The following TM4SF20 variants were observed in gnomAD, a reference collection of about 807,000 sequenced individuals.
TM4SF20 encodes the protein transmembrane 4 L six family member 20.
In TM4SF20, 13 loss-of-function variants were observed where a neutral mutation model predicts 15.1. The ratio of observed to expected loss-of-function variants is 0.86; its 90% CI spans 0.56 to 1.36. The LOEUF (loss-of-function observed/expected upper bound fraction) is 1.36, where lower values mean the gene tolerates loss of function less well. Among genes scored for constraint, TM4SF20 ranks in the 40% most tolerant of loss-of-function variants. The pLI, the probability that TM4SF20 is intolerant of heterozygous loss-of-function variation, is 0.00. For synonymous variants in TM4SF20, 92 were observed against 96.6 expected, an observed-to-expected ratio of 0.95 and a Z score of 0.28; for missense variants, 282 against 268.4, an observed-to-expected ratio of 1.05 and a Z score of -0.35.
At chr2:227,371,580 A>G (rs1382092163) in intron 1 of TM4SF20, among the ~76,000 whole-genome samples, 1 of 152,168 alleles carries the variant, frequency 6.6e-6, no homozygotes, top group African/African-American at 2.4e-5. Flanking sequence ...TGGCCTCAAG[A>G]AAACCTCCTG....
chr2:227,364,994 T>C (rs911609743), intron 3 of TM4SF20, among the ~76,000 whole-genome samples: 2 of 152,208 alleles, frequency 1.3e-5, no homozygotes, highest in African/African-American at 4.8e-5. Flanking sequence ...CACTGCAACC[T>C]CCGCCTCCTG....
At chr2:227,368,335 T>TTATATATATATATATATATATATA (rs61382561) in intron 2 of TM4SF20, among the ~76,000 whole-genome samples, 2 of 122,722 alleles carry the variant, frequency 1.6e-5, no homozygotes, top group African/African-American at 3.1e-5. Flanking sequence ...CATCTATTAT[T>TTATATATATATATATATATATATA]TATATATATA....
Position 227,378,331 on chromosome 2 carries a change from C to T in TM4SF20, c.183+755G>A, listed in dbSNP as rs75620098. 6.3e-3 allele frequency among the ~76,000 whole-genome samples: 959 copies of T among 152,272 alleles called. 1 individual carries two copies. The highest frequency in any genetic ancestry group is 0.011 in the Non-Finnish European group (735 of 68,026). Reference sequence around the variant, plus strand: ...GAAAGCCGTTTTCCCTATACAAATGCGTCCTACCCAGGCCTACTGCACCCA... The same window carrying T: ...GAAAGCCGTTTTCCCTATACAAATGTGTCCTACCCAGGCCTACTGCACCCA... On this transcript the variant is annotated intron_variant, in intron 1 of 3. Coordinates refer to ENST00000304568, the MANE Select transcript of TM4SF20 (RefSeq NM_024795.4).
At chr2:227,380,293 G>T (rs1300707508), upstream of TM4SF20, among the ~76,000 whole-genome samples, 1 of 152,314 alleles carries the variant, frequency 6.6e-6, no homozygotes, top group East Asian at 1.9e-4. Context: ...TTGCACCACT[G>T]CACCCCAGCC....
At chr2:227,367,679 T>C (rs2076399775) in intron 2 of TM4SF20, among the ~76,000 whole-genome samples, 2 of 152,226 alleles carry the variant, frequency 1.3e-5, no homozygotes, top group African/African-American at 4.8e-5. Flanking sequence ...GACCTGCCTT[T>C]TATGAGTGCA....
intron 2 of TM4SF20, among the ~76,000 whole-genome samples, chr2:227,368,082 GGC>G (rs2076401930): frequency 7.2e-6 from 1 of 139,714 alleles, no homozygotes; most frequent in African/African-American, 2.7e-5. Flanking sequence ...GGAGTGCAGT[GGC>G]ATGATCTCGG....
At chr2:227,368,818 G>T (rs1239482125) in intron 2 of TM4SF20, among the ~76,000 whole-genome samples, 1 of 152,244 alleles carries the variant, frequency 6.6e-6, no homozygotes, top group Non-Finnish European at 1.5e-5. Flanking sequence ...AAGGGAAGAA[G>T]CAAAGAACAG....
intron 2 of TM4SF20, among the ~76,000 whole-genome samples, chr2:227,367,646 G>A (rs2076399605): frequency 2.0e-5 from 3 of 152,208 alleles, no homozygotes; most frequent in African/African-American, 7.2e-5. Context: ...AGCTCCCACA[G>A]GGTCTGTGTG....
At chr2:227,372,582 A>G (rs1210129937) in intron 1 of TM4SF20, among the ~76,000 whole-genome samples, 1 of 152,170 alleles carries the variant, frequency 6.6e-6, no homozygotes, top group East Asian at 1.9e-4. Flanking sequence ...CAGAGGTTGC[A>G]GTTAGCTGAG....
At chr2:227,379,430 A>T (rs1432262752), upstream of TM4SF20, 1 of 527,610 alleles carries the variant, frequency 1.9e-6, no homozygotes. Flanking sequence ...GATGACTATG[A>T]TGGGAAATGA....
chr2:227,368,124 C>T (rs1311527463), intron 2 of TM4SF20, among the ~76,000 whole-genome samples: 5 of 147,008 alleles, frequency 3.4e-5, no homozygotes, highest in Admixed American at 6.8e-5. Context: ...CCCGGGTTCA[C>T]GCCATTCTCC....
In TM4SF20 at chr2:227,370,311, C is replaced by T. The variant is rs185066795; in HGVS notation, c.249+604G>A. Among the ~76,000 whole-genome samples, 173 of 152,180 alleles carry T rather than the reference C, an allele frequency of 1.1e-3. 2 individuals carry two copies. Among genetic ancestry groups the T allele is most frequent in the Non-Finnish European group, 2.5e-4 (17 of 68,018 alleles). On this transcript the variant is annotated intron_variant, in intron 2 of 3. Transcript: ENST00000304568. ...TTATGAAATTGATTGCAGCTGTGGG[C>T]GTGACTTACCAATCTCCTTTCTTTG...
At chr2:227,366,632 G>A (rs1384455296) in intron 2 of TM4SF20, among the ~76,000 whole-genome samples, 1 of 144,852 alleles carries the variant, frequency 6.9e-6, no homozygotes, top group Non-Finnish European at 1.5e-5. Flanking sequence ...GGGAGGCTAA[G>A]GCAGGAGAAT....
intron 3 of TM4SF20, among the ~76,000 whole-genome samples, chr2:227,365,716 C>T (rs1228323461): frequency 6.6e-6 from 1 of 152,142 alleles, no homozygotes; most frequent in African/African-American, 2.4e-5. Context: ...ATGTTCTCTT[C>T]ACTCTCATAA....
At chr2:227,370,825 C>T (rs2076417108) in intron 2 of TM4SF20, 90 bp downstream of exon 2, 10 of 1,022,612 alleles carry the variant, frequency 9.8e-6, no homozygotes, top group Admixed American at 6.8e-5. Context: ...CACTGTGATT[C>T]GGTAGATGCG....
At chr2:227,381,434 TAA>T (rs1575027891), upstream of TM4SF20, among the ~76,000 whole-genome samples, 2 of 151,920 alleles carry the variant, frequency 1.3e-5, no homozygotes, top group East Asian at 3.9e-4. Flanking sequence ...TATAATATTC[TAA>T]AAAAATATAT....
chr2:227,373,716 A>G (rs1182402001), intron 1 of TM4SF20, among the ~76,000 whole-genome samples: 3 of 152,052 alleles, frequency 2.0e-5, no homozygotes, highest in African/African-American at 7.2e-5. Context: ...GGATCACGAG[A>G]TCAGGAGATC....
rs2076365282 is a variant in TM4SF20, at chr2:227,362,248, A to G, written c.*1476T>C. The G allele has an allele frequency of 6.6e-6, 1 of 152,210 alleles. No homozygotes were observed. The highest frequency in any genetic ancestry group is 1.5e-5 in the Non-Finnish European group (1 of 68,036). 9.4% of individuals were successfully genotyped at this position (152,210 alleles called of 1,614,324 possible). On this transcript the variant is annotated 3_prime_UTR_variant, in exon 4 of 4. Coordinates refer to ENST00000304568, the MANE Select transcript of TM4SF20 (RefSeq NM_024795.4). ...TTAAAGATTGGCACATATAGAAAAT[A>G]GCTTTTGAAAGTCTTGGGTTTTTCT...
At chr2:227,366,716 CAAAAAAAAAAAAAAAAAAAAAAAAA>C (rs59401554) in intron 2 of TM4SF20, among the ~76,000 whole-genome samples, 2 of 68,190 alleles carry the variant, frequency 2.9e-5, no homozygotes, top group Non-Finnish European at 2.8e-5. Flanking sequence ...AAGACTCTGT[CAAAAAAAAAAAAAAAAAAAAAAAAA>C]AAAAAAAAAA....
Sources: allele counts gnomAD v4.1 joint callset (sites outside exome capture counted in the v4.1 genomes callset), GRCh38; gene constraint gnomAD v4.1.1; transcripts MANE v1.5; gene names NCBI Gene and HGNC (gene_info 2026-07-23, HGNC 2026-07-21).